The following ITGA9 variants were observed in gnomAD, a reference collection of about 807,000 sequenced individuals.
The protein encoded by ITGA9 is integrin subunit alpha 9, also known as integrin alpha-9.
Under a neutral mutation model 127.8 loss-of-function variants are expected in ITGA9, and 56 were observed. The ratio of observed to expected loss-of-function variants is 0.44; its 90% CI spans 0.35 to 0.55. The LOEUF (loss-of-function observed/expected upper bound fraction) is 0.55, where lower values mean the gene tolerates loss of function less well. ITGA9 is among the 20% of genes least tolerant of loss of function. The pLI, the probability that ITGA9 is intolerant of heterozygous loss-of-function variation, is 0.00. For synonymous variants in ITGA9, 508 were observed against 514.5 expected, an observed-to-expected ratio of 0.99 and a Z score of 0.17; for missense variants, 1,196 against 1,347.1, an observed-to-expected ratio of 0.89 and a Z score of 1.76.
chr3:37,518,091 C>CGTGTGT (rs1491416800), intron 10 of ITGA9, among the ~76,000 whole-genome samples: 139 of 51,880 alleles, frequency 2.7e-3, no homozygotes, highest in African/African-American at 7.5e-3. Context: ...TGAGAGTGTA[C>CGTGTGT]GCGTGTGTGT....
At position 37,629,411 on chromosome 3, in the gene ITGA9, AGAGAGCCGTGGGCCTGGCTGCTCAG is replaced by A; in HGVS notation, c.1839+80_1839+104del. ...AGCAGAAATAATGGCCCAAAAGTTG[AGAGAGCCGTGGGCCTGGCTGCTCAG>A]GAGACCGCAGCCAGGACACACCTCC... is the stretch of plus-strand genomic sequence containing the variant. On this transcript the variant is annotated intron_variant, in intron 16 of 27. Coordinates refer to ENST00000264741, the MANE Select transcript of ITGA9 (RefSeq NM_002207.3). The surrounding 1 kb of genome is among the most constrained non-coding windows in gnomAD (Gnocchi z 4.5). 6.4e-7 allele frequency: 1 copy of A among 1,557,116 alleles called. No homozygotes were observed. The highest frequency in any genetic ancestry group is 1.4e-5 in the African/African-American group (1 of 73,846).
intron 23 of ITGA9, among the ~76,000 whole-genome samples, chr3:37,766,710 T>C (rs1319256649): frequency 2.6e-5 from 4 of 152,218 alleles, no homozygotes; most frequent in African/African-American, 9.6e-5. Flanking sequence ...TTTTGTCTCA[T>C]ATGGGGGCTA....
At chr3:37,737,094 T>A in intron 20 of ITGA9, 111 bp downstream of exon 20, 1 of 794,020 alleles carries the variant, frequency 1.3e-6, no homozygotes, top group Non-Finnish European at 2.2e-6. Flanking sequence ...GAGGAAGAAA[T>A]GGTTACTCAG....
Position 37,522,183 on chromosome 3 carries a change from G to A in ITGA9, c.1237-1338G>A, listed in dbSNP as rs987723907. On this transcript the variant is annotated intron_variant, in intron 11 of 27. Transcript: ENST00000264741. ...GGTTCTATTGTACTTTGAAAACAAA[G>A]CATTTCTCTTGTCCTCCACAGTGAG... Among the ~76,000 whole-genome samples, 3 of 152,044 alleles carry A rather than the reference G, an allele frequency of 2.0e-5. No individual in the cohort carries two copies. The South Asian group carries it at 6.2e-4, about 32-fold the overall frequency.
chr3:37,549,968 C>T (rs1699363433), intron 15 of ITGA9, among the ~76,000 whole-genome samples: 1 of 152,178 alleles, frequency 6.6e-6, no homozygotes, highest in African/African-American at 2.4e-5. Context: ...CCATAATATT[C>T]AGGTAATAGC....
chr3:37,516,641 G>A (rs1698986626), intron 9 of ITGA9, among the ~76,000 whole-genome samples: 1 of 152,190 alleles, frequency 6.6e-6, no homozygotes, highest in African/African-American at 2.4e-5. Context: ...TTTTCAAGGT[G>A]TAAATTGTGT....
intron 15 of ITGA9, among the ~76,000 whole-genome samples, chr3:37,580,755 C>T (rs1283055649): frequency 1.3e-5 from 2 of 152,152 alleles, no homozygotes; most frequent in East Asian, 3.8e-4. Context: ...GAAATACGTA[C>T]AGTAATAAGG....
At chr3:37,523,002 G>T (rs548266391) in intron 11 of ITGA9, among the ~76,000 whole-genome samples, 1 of 152,300 alleles carries the variant, frequency 6.6e-6, no homozygotes, top group African/African-American at 2.4e-5. Flanking sequence ...GGATGGAGAG[G>T]TAGTTTCCAC....
chr3:37,818,777 C>A, intron 27 of ITGA9, 114 bp from the exon 28 acceptor site: 1 of 774,070 alleles, frequency 1.3e-6, no homozygotes, highest in Admixed American at 1.9e-5. Context: ...TCCTCCAAGC[C>A]TCCCCAGCCC....
chr3:37,714,432 T>C (rs1575205316), intron 18 of ITGA9, among the ~76,000 whole-genome samples: 1 of 152,190 alleles, frequency 6.6e-6, no homozygotes, highest in South Asian at 2.1e-4. Context: ...TGGTGGCTGG[T>C]GAGGAGTCCA....
chr3:37,468,675 G>C (rs1698397202), intron 1 of ITGA9, among the ~76,000 whole-genome samples: 2 of 152,112 alleles, frequency 1.3e-5, no homozygotes, highest in Admixed American at 1.3e-4. Context: ...AGGGAGCCTG[G>C]GTCAGCTTTC....
chr3:37,503,384 A>G (rs111707813), intron 6 of ITGA9, 77 bp downstream of exon 6: 7 of 1,541,180 alleles, frequency 4.5e-6, no homozygotes, highest in Non-Finnish European at 6.2e-6. Context: ...TTATTGCTTC[A>G]TTGTTGGAAA....
chr3:37,478,380 GTGT>G (rs140918699), intron 3 of ITGA9, among the ~76,000 whole-genome samples: 16,471 of 152,228 alleles, frequency 0.11, 1,040 homozygotes, highest in Middle Eastern at 0.17. Flanking sequence ...TAGGAGGGAT[GTGT>G]TGTTTCCATA....
rs1326358923 is a variant in ITGA9, at chr3:37,508,927, GTC to G, written c.897+306_897+307del. On this transcript the variant is annotated intron_variant, in intron 8 of 27. Transcript: ENST00000264741. ...TGTCATCAAAGTGACTGCATGCCCT[GTC>G]TCTCTGCCTCCATCCTTTCTCAACG... Among the ~76,000 whole-genome samples, 5 of 152,310 alleles carry G rather than the reference GTC, an allele frequency of 3.3e-5. No homozygotes were observed. In the East Asian group the frequency reaches 9.6e-4, roughly 29 times the overall value.
Position 37,591,119 on chromosome 3 carries a change from G to A in ITGA9, c.1690-38068G>A, listed in dbSNP as rs147400153. On this transcript the variant is annotated intron_variant, in intron 15 of 27. Transcript: ENST00000264741. ...CCTGCCCCTGGGCTCCAGGGCTCTC[G>A]ATTTTTGGGGTAAACAGAGGTGCTG... is the stretch of plus-strand genomic sequence containing the variant. Among the ~76,000 whole-genome samples the A allele has an allele frequency of 1.2e-3, 186 of 152,268 alleles. 2 individuals carry two copies. The highest frequency in any genetic ancestry group is 4.1e-3 in the African/African-American group (170 of 41,560).
At chr3:37,499,387 A>G (rs556430196) in intron 5 of ITGA9, among the ~76,000 whole-genome samples, 1 of 152,326 alleles carries the variant, frequency 6.6e-6, no homozygotes, top group East Asian at 1.9e-4. Context: ...GCCCACCTAC[A>G]TACCCCGGTT....
At chr3:37,564,154 C>A (rs1699523035) in intron 15 of ITGA9, among the ~76,000 whole-genome samples, 1 of 152,194 alleles carries the variant, frequency 6.6e-6, no homozygotes, top group Non-Finnish European at 1.5e-5. Context: ...CCACGGAACA[C>A]CATTTTTCTC....
chr3:37,539,879 A>G (rs1039625575), intron 14 of ITGA9, among the ~76,000 whole-genome samples: 2 of 152,150 alleles, frequency 1.3e-5, no homozygotes, highest in Admixed American at 6.5e-5. Flanking sequence ...ATTACCCCAC[A>G]TCAAGGGGCA....
At chr3:37,497,181 G>T (rs1222381590) in intron 5 of ITGA9, among the ~76,000 whole-genome samples, 1 of 151,984 alleles carries the variant, frequency 6.6e-6, no homozygotes, top group East Asian at 1.9e-4. Context: ...TGGTTTTTAG[G>T]AACTTGTTAC....
Sources: gnomAD v4.1 joint callset for allele counts (sites outside exome capture counted in the v4.1 genomes callset) on GRCh38, gnomAD v4.1.1 for gene constraint, Gnocchi (gnomAD v3.1) non-coding constraint, MANE v1.5 for transcripts, NCBI Gene and HGNC (gene_info 2026-07-23, HGNC 2026-07-21) for gene names.